Variants in MTDH observed in about 807,000 individuals in gnomAD.
The protein encoded by MTDH is metadherin, also known as protein LYRIC.
In MTDH, 34 loss-of-function variants were observed where a neutral mutation model predicts 72.7. The ratio of observed to expected loss-of-function variants is 0.47; its 90% confidence interval spans 0.36 to 0.62. The LOEUF is 0.62. Among genes scored for constraint, MTDH ranks in the 20% least tolerant of loss-of-function variants. MTDH has a pLI of 0.00. For synonymous variants in MTDH, 266 were observed against 268.9 expected, an observed-to-expected ratio of 0.99 and a Z score of 0.10; for missense variants, 677 against 699.4, an observed-to-expected ratio of 0.97 and a Z score of 0.36.
intron 10 of MTDH, 120 bp downstream of exon 10, chr8:97,719,309 A>G: frequency 4.1e-6 from 4 of 971,082 alleles, no homozygotes; most frequent in Non-Finnish European, 6.1e-6. Flanking sequence ...CCTGGCCAAC[A>G]TAGTGAAACC....
rs1223653921 is a variant in MTDH, at chr8:97,725,320, ATTAC to A, written c.*653_*656del. ...ATGAAGTTATTTTTGATAGTCTTAC[ATTAC>A]TTGAATTGTTCAAAGTACAGTATAT... is the stretch of plus-strand genomic sequence containing the variant. On this transcript the variant is annotated 3_prime_UTR_variant, in exon 12 of 12. Transcript: ENST00000336273. The A allele has an allele frequency of 6.6e-6, 1 of 152,604 alleles. No homozygotes were observed. The highest frequency in any genetic ancestry group is 2.4e-5 in the African/African-American group (1 of 41,450). The allele number at this position is 152,604 out of a possible 1,614,324, so 9.5% of individuals were successfully genotyped here. A position where few individuals can be genotyped will look rare whatever the true frequency, so the allele number is the denominator to read the frequency against.
At chr8:97,714,020 A>G (rs1163497149) in intron 9 of MTDH, among the ~76,000 whole-genome samples, 1 of 152,190 alleles carries the variant, frequency 6.6e-6, no homozygotes, top group African/African-American at 2.4e-5. Context: ...GCATTTTTTT[A>G]TTATATAATG....
chr8:97,692,410 G>T (rs7000064), intron 6 of MTDH, among the ~76,000 whole-genome samples: 1 of 150,962 alleles, frequency 6.6e-6, no homozygotes, highest in African/African-American at 2.4e-5. Flanking sequence ...TCACTCTGTC[G>T]CTGTCACGCT....
At chr8:97,712,252 G>A (rs2131064087) in intron 8 of MTDH, among the ~76,000 whole-genome samples, 1 of 152,320 alleles carries the variant, frequency 6.6e-6, no homozygotes, top group East Asian at 1.9e-4. Flanking sequence ...TGGTCAGGCT[G>A]CTCTTGAACT....
intron 2 of MTDH, among the ~76,000 whole-genome samples, chr8:97,670,568 G>A (rs946545626): frequency 3.3e-5 from 5 of 152,224 alleles, no homozygotes; most frequent in East Asian, 1.9e-4. Context: ...AGGTTGCAGC[G>A]AGCTGAGATC....
Position 97,691,103 on chromosome 8 carries a change from C to T in MTDH, c.963C>T (p.Ala321=). 2 of 1,614,108 alleles carry T rather than the reference C, an allele frequency of 1.2e-6. No homozygotes were observed. Among genetic ancestry groups the T allele is most frequent in the East Asian group, 2.2e-5 (1 of 44,884 alleles). Reference sequence around the variant, plus strand: ...GAAAGAGGAAAACTGAGCCATCTGCCTGGAGTCAAGACACTGGAGATGCTA... The same window carrying T: ...GAAAGAGGAAAACTGAGCCATCTGCTTGGAGTCAAGACACTGGAGATGCTA... The part of the protein sequence containing the change: ...SAGKRKTEPS[A]WSQDTGDANT... The change falls in exon 6 of 12, where the codon GCC becomes GCT. Residue 321 remains alanine (A), a synonymous_variant. Coordinates refer to ENST00000336273, the MANE Select transcript of MTDH (RefSeq NM_178812.4).
chr8:97,695,562 A>G (rs957434410), intron 6 of MTDH, among the ~76,000 whole-genome samples: 14 of 152,378 alleles, frequency 9.2e-5, no homozygotes, highest in South Asian at 6.2e-4. Flanking sequence ...AAAGGGAACT[A>G]TATTAAATTA....
chr8:97,707,638 G>T (rs1205365737), intron 8 of MTDH, among the ~76,000 whole-genome samples: 3 of 151,932 alleles, frequency 2.0e-5, no homozygotes, highest in African/African-American at 7.2e-5. Context: ...AGCCATAGAT[G>T]ATATGGAAAT....
intron 6 of MTDH, among the ~76,000 whole-genome samples, chr8:97,694,823 C>T (rs1014303942): frequency 2.0e-5 from 3 of 151,560 alleles, no homozygotes; most frequent in African/African-American, 2.4e-5. Flanking sequence ...CTCGGGAGGC[C>T]GAGACGGGAC....
In MTDH at chr8:97,730,253, A is replaced by T. The variant is rs1295635305; in HGVS notation, c.*5583A>T. Among the ~76,000 whole-genome samples, 1 of 152,200 alleles carries T rather than the reference A, an allele frequency of 6.6e-6. No individual in the cohort carries two copies. Among genetic ancestry groups the T allele is most frequent in the African/African-American group, 2.4e-5 (1 of 41,456 alleles). On this transcript the variant is annotated 3_prime_UTR_variant, in exon 12 of 12. Coordinates refer to ENST00000336273, the MANE Select transcript of MTDH (RefSeq NM_178812.4). ...AGCATAATAAAATGAACACATCTGA[A>T]ACCACCATTCTGCTCAAGAAATATA...
intron 2 of MTDH, among the ~76,000 whole-genome samples, chr8:97,685,339 TAAA>T (rs1046101692): frequency 6.6e-6 from 1 of 152,090 alleles, no homozygotes; most frequent in East Asian, 1.9e-4. Flanking sequence ...ATGAGGTCAG[TAAA>T]AAAAATTTAT....
At chr8:97,664,929 T>C (rs2130941961) in intron 2 of MTDH, among the ~76,000 whole-genome samples, 1 of 152,248 alleles carries the variant, frequency 6.6e-6, no homozygotes, top group South Asian at 2.1e-4. Context: ...CCCAGCTATT[T>C]TTTGTATTTT....
intron 9 of MTDH, among the ~76,000 whole-genome samples, chr8:97,715,011 G>GA: frequency 6.6e-6 from 1 of 152,284 alleles, no homozygotes; most frequent in South Asian, 2.1e-4. Flanking sequence ...TTTTAGTAGA[G>GA]ACAGGCTTTC....
rs1048894419 is a variant in MTDH at position 97,729,970 on chromosome 8, A to G, written c.*5300A>G. On this transcript the variant is annotated 3_prime_UTR_variant, in exon 12 of 12. Transcript: ENST00000336273. ...TTTAAAACATGAAAAAGGCATTACTATTGTTCTGGTCTAAGTACTCTAACA... is the reference window on the plus strand; with the variant it reads ...TTTAAAACATGAAAAAGGCATTACTGTTGTTCTGGTCTAAGTACTCTAACA... Among the ~76,000 whole-genome samples, 6 of 152,200 alleles carry G rather than the reference A, an allele frequency of 3.9e-5. No individual in the cohort carries two copies. Among genetic ancestry groups the G allele is most frequent in the African/African-American group, 1.4e-4 (6 of 41,460 alleles).
intron 2 of MTDH, among the ~76,000 whole-genome samples, chr8:97,677,180 CAAAAAAAAAAAAAAAA>C (rs71271142): frequency 3.9e-4 from 17 of 44,134 alleles, no homozygotes; most frequent in African/African-American, 1.0e-3. Flanking sequence ...AAGCCTGTCT[CAAAAAAAAAAAAAAAA>C]AAAAAAAAAA....
chr8:97,705,383 C>G (rs755531667), intron 7 of MTDH, among the ~76,000 whole-genome samples: 2 of 144,308 alleles, frequency 1.4e-5, no homozygotes, highest in African/African-American at 2.6e-5. Flanking sequence ...AGGCAGATCA[C>G]GAGATCAAGA....
chr8:97,699,872 A>G lies in MTDH; in HGVS notation c.1147+20A>G. 6.5e-7 allele frequency: 1 copy of G among 1,531,160 alleles called. No homozygotes were observed. Among genetic ancestry groups the G allele is most frequent in the Non-Finnish European group, 9.0e-7 (1 of 1,113,234 alleles). The allele number at this position is 1,531,160 out of a possible 1,614,324, so 94.8% of individuals were successfully genotyped here. ...GGTTAAGTATGTCCTTTTAAAAATTATCAGTTATTTTTTTTCAGAGTTTTC... is the reference window on the plus strand; with the variant it reads ...GGTTAAGTATGTCCTTTTAAAAATTGTCAGTTATTTTTTTTCAGAGTTTTC... On this transcript the variant is annotated intron_variant, in intron 7 of 11. Transcript: ENST00000336273.
At position 97,675,558 on chromosome 8, in the gene MTDH, TCAAAA is replaced by T. The variant is rs1812803566; in HGVS notation, c.484-11109_484-11105del. Among the ~76,000 whole-genome samples, 7 of 94,144 alleles carry T rather than the reference TCAAAA, an allele frequency of 7.4e-5. No individual in the cohort carries two copies. In the South Asian group the frequency reaches 9.4e-4, roughly 13 times the overall value. The allele number at this position is 94,144 out of a possible 152,430, so 61.8% of individuals were successfully genotyped here. On this transcript the variant is annotated intron_variant, in intron 2 of 11. Transcript: ENST00000336273. Reference sequence around the variant, plus strand: ...CTGGGTGACAGAGCAAGACTCTGTCTCAAAAAAAAAAAAAAAAAAAATTACATTCA... The same window carrying T: ...CTGGGTGACAGAGCAAGACTCTGTCTAAAAAAAAAAAAAAAATTACATTCA...
chr8:97,651,433 C>T (rs1811768250), intron 1 of MTDH, among the ~76,000 whole-genome samples: 1 of 152,110 alleles, frequency 6.6e-6, no homozygotes, highest in African/African-American at 2.4e-5. Context: ...TAACAAAAAG[C>T]ACCCAAAAAA....
Sources: allele counts gnomAD v4.1 joint callset (sites outside exome capture counted in the v4.1 genomes callset), GRCh38; gene constraint gnomAD v4.1.1; transcripts MANE v1.5; gene names NCBI Gene and HGNC (gene_info 2026-07-23, HGNC 2026-07-21).